EFCAB11: variants seen among roughly 807,000 people sequenced by gnomAD.
EFCAB11 encodes the protein EF-hand calcium binding domain 11.
A neutral mutation model predicts 23.0 loss-of-function variants in EFCAB11; 14 were observed. The observed-to-expected ratio is 0.61, with a 90% CI of 0.40 to 0.95. The LOEUF (loss-of-function observed/expected upper bound fraction) is 0.95, where lower values mean the gene tolerates loss of function less well. Ranked by LOEUF, EFCAB11 falls within the 40% of genes least tolerant of loss-of-function variation. The pLI, the probability that EFCAB11 is intolerant of heterozygous loss-of-function variation, is 0.00. For missense variants in EFCAB11, 198 were observed against 195.8 expected, an observed-to-expected ratio of 1.01 and a Z score of -0.07; for synonymous variants, 65 against 66.6, an observed-to-expected ratio of 0.98 and a Z score of 0.11.
chr14:89,953,451 T>C (rs997960663), intron 2 of EFCAB11, among the ~76,000 whole-genome samples: 2 of 152,272 alleles, frequency 1.3e-5, no homozygotes, highest in African/African-American at 4.8e-5. Flanking sequence ...GGTAATCCCC[T>C]AGGAGTGGGA....
At chr14:89,916,500 T>G (rs1023912318) in intron 5 of EFCAB11, among the ~76,000 whole-genome samples, 1 of 152,208 alleles carries the variant, frequency 6.6e-6, no homozygotes, top group African/African-American at 2.4e-5. Flanking sequence ...CCTCCAAGTC[T>G]AAATCTCCAA....
chr14:89,886,383 T>C (rs1888773292), intron 5 of EFCAB11, among the ~76,000 whole-genome samples: 1 of 151,842 alleles, frequency 6.6e-6, no homozygotes, highest in Non-Finnish European at 1.5e-5. Flanking sequence ...CCGGGCGTGG[T>C]GGCGGGTGCC....
At chr14:89,811,453 T>C (rs190751715) in intron 5 of EFCAB11, among the ~76,000 whole-genome samples, 224 of 152,258 alleles carry the variant, frequency 1.5e-3, no homozygotes, top group Non-Finnish European at 2.0e-3. Flanking sequence ...GAATATGTTG[T>C]ATTATGTGGG....
At chr14:89,834,403 A>AAAAC (rs67216494) in intron 5 of EFCAB11, among the ~76,000 whole-genome samples, 5,227 of 101,280 alleles carry the variant, frequency 0.052, 982 homozygotes, top group African/African-American at 0.071. Flanking sequence ...AAAAAAAAAA[A>AAAAC]CCTTTTTGTT....
chr14:89,935,394 TG>T (rs983086852), intron 3 of EFCAB11, among the ~76,000 whole-genome samples: 3 of 124,856 alleles, frequency 2.4e-5, no homozygotes, highest in African/African-American at 6.4e-5. Flanking sequence ...AAAATGCATG[TG>T]GGTTTTTTTT....
chr14:89,901,179 A>C lies in EFCAB11; in HGVS notation c.410+30362T>G, dbSNP rs1355034030. Among the ~76,000 whole-genome samples the C allele has an allele frequency of 2.0e-5, 3 of 152,196 alleles. No homozygotes were observed. The East Asian group carries it at 5.8e-4, about 29-fold the overall frequency. On this transcript the variant is annotated intron_variant, in intron 5 of 5. Transcript: ENST00000316738. ...ACTCTTCCCAGAAGAGAGGTATTCA[A>C]ATGATAAACACTTCTTGGTGTGATG...
intron 5 of EFCAB11, chr14:89,836,503 G>A (rs913859817): frequency 3.8e-5 from 17 of 452,772 alleles, no homozygotes; most frequent in South Asian, 9.4e-5. Flanking sequence ...TGTTGGGGGC[G>A]GTGTGTCCAC....
At chr14:89,886,206 C>T (rs1212634936) in intron 5 of EFCAB11, among the ~76,000 whole-genome samples, 1 of 152,020 alleles carries the variant, frequency 6.6e-6, no homozygotes, top group Non-Finnish European at 1.5e-5. Flanking sequence ...TTAGATGAGG[C>T]CCTCTCACCT....
intron 5 of EFCAB11, among the ~76,000 whole-genome samples, chr14:89,900,590 T>C (rs986624949): frequency 1.3e-5 from 2 of 152,184 alleles, no homozygotes; most frequent in African/African-American, 4.8e-5. Context: ...TTCCAGAACC[T>C]TCCGGAACAC....
intron 5 of EFCAB11, among the ~76,000 whole-genome samples, chr14:89,907,710 T>G (rs962003424): frequency 5.3e-5 from 8 of 152,150 alleles, no homozygotes; most frequent in Admixed American, 3.9e-4. Flanking sequence ...TTTTTAAGGG[T>G]ACACCTGTGG....
In EFCAB11 at chr14:89,929,874, T is replaced by C. The variant is rs981128526; in HGVS notation, c.410+1667A>G. On this transcript the variant is annotated intron_variant, in intron 5 of 5. Coordinates refer to ENST00000316738, the MANE Select transcript of EFCAB11 (RefSeq NM_145231.4). The stretch of plus-strand genomic sequence containing the variant: ...ACATTGCCTGTATCTTGAATGGCTA[T>C]ATTTAAAAACATTTTTCAAAAATCT... Among the ~76,000 whole-genome samples the C allele has an allele frequency of 3.9e-5, 6 of 152,268 alleles. No homozygotes were observed. The South Asian group carries it at 8.3e-4, about 21-fold the overall frequency.
chr14:89,952,265 C>G (rs1891197899), intron 2 of EFCAB11: 1 of 417,142 alleles, frequency 2.4e-6, no homozygotes, highest in African/African-American at 2.2e-5. Flanking sequence ...AAAGTAAAAT[C>G]TGTTAAATTT....
At chr14:89,906,983 A>C (rs1444415423) in intron 5 of EFCAB11, among the ~76,000 whole-genome samples, 1 of 152,230 alleles carries the variant, frequency 6.6e-6, no homozygotes, top group Non-Finnish European at 1.5e-5. Flanking sequence ...GTGAGTAAAC[A>C]AAAGGTTTAG....
intron 5 of EFCAB11, among the ~76,000 whole-genome samples, chr14:89,888,241 T>C (rs78249090): frequency 0.018 from 2,706 of 152,344 alleles, 75 homozygotes; most frequent in African/African-American, 0.061. Context: ...ATGAATGGGA[T>C]TGGTGCCCTT....
At chr14:89,885,609 G>A (rs558717974) in intron 5 of EFCAB11, among the ~76,000 whole-genome samples, 3 of 151,760 alleles carry the variant, frequency 2.0e-5, no homozygotes, top group Non-Finnish European at 4.4e-5. Flanking sequence ...CCTGGGAGGT[G>A]GAGGTTGCAG....
Position 89,946,348 on chromosome 14 carries a change from T to C in EFCAB11, c.217+3749A>G, listed in dbSNP as rs1006158673. Among the ~76,000 whole-genome samples, 4 of 152,182 alleles carry C rather than the reference T, an allele frequency of 2.6e-5. No individual in the cohort carries two copies. The South Asian group carries it at 8.3e-4, about 31-fold the overall frequency. Reference sequence around the variant, plus strand: ...CTTTTGGTTAGTGTTCAGTACAGTATATATTTCTAATCTTTTTTGCCCTTA... The same window carrying C: ...CTTTTGGTTAGTGTTCAGTACAGTACATATTTCTAATCTTTTTTGCCCTTA... On this transcript the variant is annotated intron_variant, in intron 3 of 5. Transcript: ENST00000316738.
chr14:89,893,045 T>C (rs1889030672), intron 5 of EFCAB11, among the ~76,000 whole-genome samples: 1 of 152,150 alleles, frequency 6.6e-6, no homozygotes. Context: ...AATGAGATAG[T>C]GGACAGGATG....
chr14:89,954,526 G>A (rs2139860672), intron 1 of EFCAB11, 60 bp downstream of exon 1: 1 of 1,597,028 alleles, frequency 6.3e-7, no homozygotes. Flanking sequence ...ACACGGGAGA[G>A]GAAGCGAGAG....
chr14:89,874,021 C>T (rs574606848), intron 5 of EFCAB11, among the ~76,000 whole-genome samples: 1 of 152,210 alleles, frequency 6.6e-6, no homozygotes, highest in Admixed American at 6.5e-5. Flanking sequence ...TCTGCATTGC[C>T]CTAGCAGAGG....
Sources: gnomAD v4.1 joint callset for allele counts (sites outside exome capture counted in the v4.1 genomes callset) on GRCh38, gnomAD v4.1.1 for gene constraint, MANE v1.5 for transcripts, NCBI Gene and HGNC (gene_info 2026-07-23, HGNC 2026-07-21) for gene names.